Variants in PREX2 observed in about 807,000 individuals in gnomAD.
The protein encoded by PREX2 is phosphatidylinositol 3,4,5-trisphosphate-dependent Rac exchanger 2 protein.
A neutral mutation model predicts 203.2 loss-of-function variants in PREX2; 107 were observed. The observed-to-expected ratio is 0.53, with a 90% CI of 0.45 to 0.62. The LOEUF is 0.62. Among genes scored for constraint, PREX2 ranks in the 20% least tolerant of loss-of-function variants. PREX2 has a pLI of 0.00. For missense variants in PREX2, 1,777 were observed against 1,955.9 expected (o/e 0.91, Z 1.72); for synonymous variants, 672 against 663.6 (o/e 1.01, Z -0.19).
intron 35 of PREX2, among the ~76,000 whole-genome samples, chr8:68,171,874 T>A (rs1447990318): frequency 2.0e-5 from 3 of 152,170 alleles, no homozygotes; most frequent in Non-Finnish European, 2.9e-5. Context: ...AATGCCTTTG[T>A]CCTTAAATTT....
intron 1 of PREX2, among the ~76,000 whole-genome samples, chr8:67,954,488 T>C (rs1805437695): frequency 6.6e-6 from 1 of 152,228 alleles, no homozygotes; most frequent in Admixed American, 6.5e-5. Flanking sequence ...GATATTAGAC[T>C]ATGCTAATAT....
At chr8:68,188,096 A>G (rs141752592) in intron 35 of PREX2, among the ~76,000 whole-genome samples, 4 of 152,176 alleles carry the variant, frequency 2.6e-5, no homozygotes, top group Admixed American at 6.5e-5. Flanking sequence ...GGTGTTTAAG[A>G]TGGGAAGAGG....
rs549392113 is a variant in PREX2, at chr8:67,960,054, A to T, written c.141+7519A>T. On this transcript the variant is annotated intron_variant, in intron 1 of 39. Coordinates refer to ENST00000288368, the MANE Select transcript of PREX2 (RefSeq NM_024870.4). ...TTTCTTTTTAATTAATTAATTAATT[A>T]ATTAATTTATTGATCTCACTCTATC... is the stretch of plus-strand genomic sequence containing the variant. Among the ~76,000 whole-genome samples, 293 of 151,816 alleles carry T rather than the reference A, an allele frequency of 1.9e-3. 2 individuals carry two copies. The highest frequency in any genetic ancestry group is 6.6e-3 in the African/African-American group (273 of 41,398).
At chr8:68,063,602 C>T (rs1392320481) in intron 11 of PREX2, among the ~76,000 whole-genome samples, 2 of 152,116 alleles carry the variant, frequency 1.3e-5, no homozygotes, top group Non-Finnish European at 2.9e-5. Flanking sequence ...GTTACAGTAG[C>T]TAGTGTTAAC....
Position 68,085,829 on chromosome 8 carries a change from A to C in PREX2, c.2028-1895A>C, listed in dbSNP as rs561247990. Among the ~76,000 whole-genome samples, 124 of 152,328 alleles carry C rather than the reference A, an allele frequency of 8.1e-4. 1 individual carries two copies. The highest frequency in any genetic ancestry group is 2.8e-3 in the African/African-American group (117 of 41,582). ...CCTTCCATAGCAGTGTTAGAAGGAT[A>C]GAAAAGCCTTGCTCAGTAAGATTGA... On this transcript the variant is annotated intron_variant, in intron 18 of 39. Transcript: ENST00000288368.
In PREX2 at chr8:68,192,325, T is replaced by C; in HGVS notation, c.4414-10T>C. The C allele has an allele frequency of 1.3e-6, 2 of 1,575,376 alleles. No homozygotes were observed. The highest frequency in any genetic ancestry group is 1.7e-6 in the Non-Finnish European group (2 of 1,156,930). On this transcript the variant is annotated splice_polypyrimidine_tract_variant and intron_variant, in intron 36 of 39. Transcript: ENST00000288368. The stretch of plus-strand genomic sequence containing the variant: ...TGTTGAACTTGACGTTCATCACTTT[T>C]TTTCTGCAGCTAATGAGGCCTCTCA...
intron 1 of PREX2, among the ~76,000 whole-genome samples, chr8:67,978,486 A>G (rs1806173434): frequency 6.6e-6 from 1 of 152,066 alleles, no homozygotes; most frequent in South Asian, 2.1e-4. Context: ...TCCATTATAT[A>G]CTCTTTTCAC....
intron 35 of PREX2, among the ~76,000 whole-genome samples, chr8:68,172,553 A>G (rs752938781): frequency 6.6e-6 from 1 of 152,242 alleles, no homozygotes; most frequent in African/African-American, 2.4e-5. Flanking sequence ...AGTGCTATGC[A>G]TGAGTACAAG....
At chr8:68,068,143 TG>T (rs1809076262) in intron 11 of PREX2, among the ~76,000 whole-genome samples, 1 of 152,128 alleles carries the variant, frequency 6.6e-6, no homozygotes, top group Non-Finnish European at 1.5e-5. Flanking sequence ...TTGGCATCCA[TG>T]TTCATCAGTG....
At chr8:68,162,295 T>C (rs1436841154) in intron 35 of PREX2, among the ~76,000 whole-genome samples, 1 of 152,042 alleles carries the variant, frequency 6.6e-6, no homozygotes, top group South Asian at 2.1e-4. Flanking sequence ...TAGAAAGAGG[T>C]TTTCTCAATT....
At chr8:68,066,194 A>T (rs1809011399) in intron 11 of PREX2, among the ~76,000 whole-genome samples, 1 of 152,164 alleles carries the variant, frequency 6.6e-6, no homozygotes, top group African/African-American at 2.4e-5. Context: ...GGGGGTACAG[A>T]TATCTCTTTG....
intron 35 of PREX2, among the ~76,000 whole-genome samples, chr8:68,179,463 C>T (rs1812043678): frequency 6.6e-6 from 1 of 152,004 alleles, no homozygotes; most frequent in Non-Finnish European, 1.5e-5. Context: ...AGCAAGTTTG[C>T]TTTACGCCCA....
chr8:67,980,306 CT>C (rs1806229578), intron 1 of PREX2, among the ~76,000 whole-genome samples: 1 of 152,116 alleles, frequency 6.6e-6, no homozygotes, highest in South Asian at 2.1e-4. Flanking sequence ...CTCCACTCTA[CT>C]TTTTAACTTG....
intron 35 of PREX2, among the ~76,000 whole-genome samples, chr8:68,172,668 G>A (rs1484857207): frequency 6.6e-6 from 1 of 152,150 alleles, no homozygotes; most frequent in Non-Finnish European, 1.5e-5. Context: ...AGGAGTTAAG[G>A]TTATAGTATT....
intron 35 of PREX2, among the ~76,000 whole-genome samples, chr8:68,169,561 G>T: frequency 6.6e-6 from 1 of 152,098 alleles, no homozygotes; most frequent in East Asian, 1.9e-4. Flanking sequence ...CACAATGTTA[G>T]GTGAGTTATA....
At chr8:68,159,648 G>A (rs1429930792) in intron 35 of PREX2, among the ~76,000 whole-genome samples, 1 of 152,156 alleles carries the variant, frequency 6.6e-6, no homozygotes, top group Non-Finnish European at 1.5e-5. Flanking sequence ...TACCAGACCA[G>A]TCTTTCCAAG....
At chr8:68,130,845 C>T (rs1810995270) in intron 31 of PREX2, among the ~76,000 whole-genome samples, 1 of 152,156 alleles carries the variant, frequency 6.6e-6, no homozygotes, top group Non-Finnish European at 1.5e-5. Flanking sequence ...CTATGGTGAC[C>T]AGAAGAAGAG....
intron 35 of PREX2, among the ~76,000 whole-genome samples, chr8:68,175,658 A>G (rs1811963656): frequency 6.6e-6 from 1 of 152,158 alleles, no homozygotes; most frequent in Non-Finnish European, 1.5e-5. Context: ...CAGGCCCACT[A>G]AAGTGTTCCT....
intron 9 of PREX2, 26 bp from the exon 10 acceptor site, chr8:68,055,804 C>T (rs1808660228): frequency 6.2e-7 from 1 of 1,601,272 alleles, no homozygotes; most frequent in Non-Finnish European, 8.5e-7. Flanking sequence ...TTTTCAGTTA[C>T]CTCTCCTTTC....
Sources: gnomAD v4.1 joint callset for allele counts (sites outside exome capture counted in the v4.1 genomes callset) on GRCh38, gnomAD v4.1.1 for gene constraint, MANE v1.5 for transcripts, NCBI Gene and HGNC (gene_info 2026-07-23, HGNC 2026-07-21) for gene names.